SERAC1: variants seen among roughly 807,000 people sequenced by gnomAD.
The protein encoded by SERAC1 is protein SERAC1.
A neutral mutation model predicts 85.7 loss-of-function variants in SERAC1; 36 were observed. That is an observed-to-expected ratio of 0.42 (90% CI 0.32 to 0.55). The LOEUF is 0.55. SERAC1 is among the 20% of genes least tolerant of loss of function. SERAC1 has a pLI of 0.11. For missense variants in SERAC1, 629 were observed against 796.2 expected (o/e 0.79, Z 2.53); for synonymous variants, 242 against 265.3 (o/e 0.91, Z 0.85).
chr6:158,149,582 G>A (rs779365346), intron 4 of SERAC1, among the ~76,000 whole-genome samples: 2 of 152,146 alleles, frequency 1.3e-5, no homozygotes, highest in Non-Finnish European at 2.9e-5. Flanking sequence ...CCCTCATGAT[G>A]AGCTCGCCTC....
chr6:158,140,702 G>A (rs1784895888), intron 8 of SERAC1, among the ~76,000 whole-genome samples: 1 of 152,214 alleles, frequency 6.6e-6, no homozygotes, highest in African/African-American at 2.4e-5. Context: ...GGTATCTGAA[G>A]TGGGGGGCAG....
At chr6:158,142,941 C>G (rs1380228643) in intron 8 of SERAC1, 115 bp downstream of exon 8, 1 of 806,246 alleles carries the variant, frequency 1.2e-6, no homozygotes, top group Non-Finnish European at 2.0e-6. Context: ...GGGCATGACA[C>G]ACAACCAGAA....
chr6:158,133,892 A>G (rs777271934), intron 8 of SERAC1, among the ~76,000 whole-genome samples: 2 of 152,210 alleles, frequency 1.3e-5, no homozygotes, highest in East Asian at 3.8e-4. Context: ...CCTCTAACTG[A>G]TATTCTGCAT....
Position 158,110,584 on chromosome 6 carries a change from AGAGAATCT to A in SERAC1, c.*774_*781del, listed in dbSNP as rs1784121847. The A allele has an allele frequency of 6.6e-6, 1 of 152,232 alleles. No individual in the cohort carries two copies. Among genetic ancestry groups the A allele is most frequent in the Admixed American group, 6.5e-5 (1 of 15,280 alleles). 9.4% of individuals were successfully genotyped at this position (152,232 alleles called of 1,614,324 possible). A position where few individuals can be genotyped will look rare whatever the true frequency, so the allele number is the denominator to read the frequency against. ...GAAGAAGAAAGGTTTATTTAGCCAA[AGAGAATCT>A]GAGAATCTTGATACTAAGAATTGCT... On this transcript the variant is annotated 3_prime_UTR_variant, in exon 17 of 17. Transcript: ENST00000647468.
intron 1 of SERAC1, chr6:158,161,952 C>T (rs992592761): frequency 6.6e-6 from 1 of 152,192 alleles, no homozygotes; most frequent in Admixed American, 6.6e-5. Context: ...ACAAAAAAAA[C>T]GTTCATTCCT....
intron 8 of SERAC1, among the ~76,000 whole-genome samples, chr6:158,134,407 A>G (rs1784746884): frequency 6.6e-6 from 1 of 152,186 alleles, no homozygotes; most frequent in Admixed American, 6.5e-5. Context: ...AAAGTCTAAG[A>G]TGAACATTTT....
intron 1 of SERAC1, among the ~76,000 whole-genome samples, chr6:158,163,737 T>TG (rs369225183): frequency 1.1e-3 from 162 of 152,050 alleles, no homozygotes; most frequent in African/African-American, 3.8e-3. Flanking sequence ...TTTTTGTTGT[T>TG]TTTTGTTTTC....
chr6:158,137,583 A>G (rs115544033), intron 8 of SERAC1, among the ~76,000 whole-genome samples: 2 of 152,084 alleles, frequency 1.3e-5, no homozygotes, highest in African/African-American at 4.8e-5. Flanking sequence ...ATGCAATCAA[A>G]AGGTCATACG....
At position 158,154,853 on chromosome 6, in the gene SERAC1, T is replaced by C. The variant is rs112934055; in HGVS notation, c.128+462A>G. Among the ~76,000 whole-genome samples, 363 of 152,260 alleles carry C rather than the reference T, an allele frequency of 2.4e-3. 1 individual carries two copies. The highest frequency in any genetic ancestry group is 8.4e-3 in the African/African-American group (347 of 41,542). On this transcript the variant is annotated intron_variant, in intron 3 of 16. Transcript: ENST00000647468. ...GTGTCAGAGCTGAGTGAGTGCCCGATTTAACTGTGTCAGAGCTGAGTGAGT... is the reference window on the plus strand; with the variant it reads ...GTGTCAGAGCTGAGTGAGTGCCCGACTTAACTGTGTCAGAGCTGAGTGAGT...
At chr6:158,153,068 G>A (rs557180456) in intron 3 of SERAC1, among the ~76,000 whole-genome samples, 62 of 152,160 alleles carry the variant, frequency 4.1e-4, no homozygotes, top group African/African-American at 1.4e-3. Context: ...TGTCCCTCCC[G>A]GATAATGATC....
chr6:158,114,122 A>C (rs1000939999), intron 15 of SERAC1, among the ~76,000 whole-genome samples: 6 of 152,154 alleles, frequency 3.9e-5, no homozygotes, highest in African/African-American at 1.4e-4. Context: ...TCTACTTAGG[A>C]TCTTTAGAAT....
At chr6:158,129,701 G>GTT (rs34835862) in intron 9 of SERAC1, among the ~76,000 whole-genome samples, 2 of 137,922 alleles carry the variant, frequency 1.5e-5, no homozygotes, top group Non-Finnish European at 3.1e-5. Flanking sequence ...TTTTTGTTTT[G>GTT]TTTTTTTTTT....
At chr6:158,167,982 CGCCCAGCCGAGCGTCA>C (rs1785647949) in intron 1 of SERAC1, among the ~76,000 whole-genome samples, 142 bp downstream of exon 1, 1 of 152,260 alleles carries the variant, frequency 6.6e-6, no homozygotes, top group African/African-American at 2.4e-5. Context: ...GAGGCCCTCA[CGCCCAGCCGAGCGTCA>C]GCTGGTCGGT....
chr6:158,147,768 CAAAAAAAAAAAAAAAAA>C (rs71027383), intron 5 of SERAC1, among the ~76,000 whole-genome samples: 4 of 68,936 alleles, frequency 5.8e-5, no homozygotes, highest in South Asian at 6.0e-4. Flanking sequence ...GGCTCTGTCT[CAAAAAAAAAAAAAAAAA>C]AAAAAAAAAA....
intron 10 of SERAC1, among the ~76,000 whole-genome samples, chr6:158,126,587 T>A (rs2128414525): frequency 6.6e-6 from 1 of 152,294 alleles, no homozygotes; most frequent in South Asian, 2.1e-4. Context: ...TAGAAAATCA[T>A]TTTAAAACCA....
At position 158,158,311 on chromosome 6, in the gene SERAC1, G is replaced by A; in HGVS notation, c.53C>T (p.Thr18Ile). The A allele has an allele frequency of 6.2e-7, 1 of 1,613,828 alleles. No homozygotes were observed. Among genetic ancestry groups the A allele is most frequent in the African/African-American group, 1.3e-5 (1 of 75,042 alleles). Reference sequence around the variant, plus strand: ...GTGTGTGCCACTTTTTGGTGGGGAAGTAGAGGTTCCTATTCTTCTGCAACA... The same window carrying A: ...GTGTGTGCCACTTTTTGGTGGGGAAATAGAGGTTCCTATTCTTCTGCAACA... ...VICCRRIGTS[T>I]SPPKSGTHWR... Residue 18 changes from threonine to isoleucine, a missense_variant, in exon 2 of 17, where the codon ACT becomes ATT. Transcript: ENST00000647468.
rs531094036 is a variant in SERAC1 at position 158,146,770 on chromosome 6, T to C, written c.487+12A>G. On this transcript the variant is annotated intron_variant, in intron 6 of 16. Coordinates refer to ENST00000647468, the MANE Select transcript of SERAC1 (RefSeq NM_032861.4). Reference sequence around the variant, plus strand: ...GCTGAAGGCATGCCACCTGTTCAGGTAGTCTCATTACCATGCCAGTGATGG... The same window carrying C: ...GCTGAAGGCATGCCACCTGTTCAGGCAGTCTCATTACCATGCCAGTGATGG... 8 of 1,612,972 alleles carry C rather than the reference T, an allele frequency of 5.0e-6. No individual in the cohort carries two copies. Among genetic ancestry groups the C allele is most frequent in the Middle Eastern group, 1.7e-4 (1 of 6,044 alleles).
At chr6:158,137,384 GTTTT>G (rs2128418032) in intron 8 of SERAC1, among the ~76,000 whole-genome samples, 1 of 130,048 alleles carries the variant, frequency 7.7e-6, no homozygotes, top group African/African-American at 3.0e-5. Context: ...TTGTTTGTTT[GTTTT>G]TTGAGACGGA....
At chr6:158,154,315 T>TAA (rs1281599623) in intron 3 of SERAC1, among the ~76,000 whole-genome samples, 1 of 152,204 alleles carries the variant, frequency 6.6e-6, no homozygotes, top group Non-Finnish European at 1.5e-5. Flanking sequence ...GTTCACTATA[T>TAA]TCCTGAATAT....
Sources: gnomAD v4.1 joint callset for allele counts (sites outside exome capture counted in the v4.1 genomes callset) on GRCh38, gnomAD v4.1.1 for gene constraint, MANE v1.5 for transcripts, NCBI Gene and HGNC (gene_info 2026-07-23, HGNC 2026-07-21) for gene names.